TMEM132D: variants seen among roughly 807,000 people sequenced by gnomAD.
TMEM132D encodes the protein transmembrane protein 132D.
A neutral mutation model predicts 62.3 loss-of-function variants in TMEM132D; 21 were observed. That is an observed-to-expected ratio of 0.34 (90% CI 0.24 to 0.49). TMEM132D has a LOEUF of 0.49. TMEM132D is among the 20% of genes least tolerant of loss of function. The pLI is 0.99. For missense variants in TMEM132D, 1,346 were observed against 1,402.8 expected, an observed-to-expected ratio of 0.96 and a Z score of 0.65; for synonymous variants, 621 against 575.6, an observed-to-expected ratio of 1.08 and a Z score of -1.13.
chr12:129,502,327 T>C (rs1234361622), intron 3 of TMEM132D, among the ~76,000 whole-genome samples: 1 of 152,188 alleles, frequency 6.6e-6, no homozygotes, highest in Non-Finnish European at 1.5e-5. Flanking sequence ...CCAAGTTCGC[T>C]ACCATTGCTA....
Position 129,408,548 on chromosome 12 carries a change from G to T in TMEM132D, c.1116-70731C>A, listed in dbSNP as rs1268743086. ...GCTTTTTTTCTACTGTTTTCAAAAA[G>T]TTTTTCTTGAGGTTATTCTTTGGTA... On this transcript the variant is annotated intron_variant, in intron 3 of 8. Transcript: ENST00000422113. 3.2e-4 allele frequency among the ~76,000 whole-genome samples: 48 copies of T among 150,244 alleles called. 1 individual carries two copies. Among genetic ancestry groups the T allele is most frequent in the Admixed American group, 3.2e-3 (48 of 15,076 alleles).
At chr12:129,548,725 G>A (rs1431188772) in intron 2 of TMEM132D, among the ~76,000 whole-genome samples, 1 of 151,994 alleles carries the variant, frequency 6.6e-6, no homozygotes, top group East Asian at 1.9e-4. Context: ...GGGGGGTGAG[G>A]AAGTCAATCC....
chr12:129,654,952 T>A (rs916878505), intron 2 of TMEM132D, among the ~76,000 whole-genome samples: 2 of 152,172 alleles, frequency 1.3e-5, no homozygotes, highest in Non-Finnish European at 2.9e-5. Context: ...CCTTTTCTTT[T>A]TTTTTTCCTT....
intron 2 of TMEM132D, among the ~76,000 whole-genome samples, chr12:129,656,922 C>T (rs1242604990): frequency 1.3e-5 from 2 of 152,166 alleles, no homozygotes; most frequent in Admixed American, 1.3e-4. Context: ...CTCCTAACCA[C>T]CACAATACAC....
intron 5 of TMEM132D, among the ~76,000 whole-genome samples, chr12:129,159,853 G>T (rs1300316129): frequency 1.3e-5 from 2 of 151,916 alleles, no homozygotes; most frequent in Non-Finnish European, 2.9e-5. Flanking sequence ...GAGGGAGGCT[G>T]CCTCCTCCAC....
chr12:129,873,141 G>A (rs1010877127), intron 1 of TMEM132D, among the ~76,000 whole-genome samples: 4 of 152,086 alleles, frequency 2.6e-5, no homozygotes, highest in African/African-American at 4.8e-5. Flanking sequence ...TATTGCAGAG[G>A]GGACACCGTT....
intron 4 of TMEM132D, among the ~76,000 whole-genome samples, chr12:129,245,190 AAAATTTGTGTT>A (rs1880062162): frequency 6.6e-6 from 1 of 152,180 alleles, no homozygotes; most frequent in Admixed American, 6.5e-5. Context: ...CACTGCCGTA[AAAATTTGTGTT>A]CCACCTATCC....
At chr12:129,446,009 C>T (rs1370021351) in intron 3 of TMEM132D, among the ~76,000 whole-genome samples, 1 of 152,098 alleles carries the variant, frequency 6.6e-6, no homozygotes, top group East Asian at 1.9e-4. Flanking sequence ...GGGGCTGGGA[C>T]TTTATACAGC....
At chr12:129,852,554 A>T (rs571478013) in intron 1 of TMEM132D, 1 of 152,234 alleles carries the variant, frequency 6.6e-6, no homozygotes, top group African/African-American at 2.4e-5. Context: ...AAAATAAAAA[A>T]ATAAAAAATA....
At chr12:129,114,585 A>T (rs143535064) in intron 5 of TMEM132D, among the ~76,000 whole-genome samples, 1 of 152,194 alleles carries the variant, frequency 6.6e-6, no homozygotes, top group Non-Finnish European at 1.5e-5. Flanking sequence ...ATGACATTTC[A>T]TGAAGCAAAC....
chr12:129,505,914 C>T (rs937987738), intron 3 of TMEM132D, among the ~76,000 whole-genome samples: 1 of 152,034 alleles, frequency 6.6e-6, no homozygotes, highest in Non-Finnish European at 1.5e-5. Flanking sequence ...TATGTGAGTC[C>T]TTATGTGTTA....
intron 5 of TMEM132D, among the ~76,000 whole-genome samples, chr12:129,199,885 C>A (rs1216368042): frequency 2.0e-5 from 3 of 152,130 alleles, no homozygotes; most frequent in African/African-American, 7.2e-5. Context: ...ATTATGGGAG[C>A]AACAATTCAA....
rs1055441813 is a variant in TMEM132D at position 129,577,283 on chromosome 12, C to A, written c.969-46078G>T. On this transcript the variant is annotated intron_variant, in intron 2 of 8. Coordinates refer to ENST00000422113, the MANE Select transcript of TMEM132D (RefSeq NM_133448.3). Reference sequence around the variant, plus strand: ...TTGCCAAAACAGCAGCAGGAGGCACCCACAAAATTACTACAGTAGTGCAGT... The same window carrying A: ...TTGCCAAAACAGCAGCAGGAGGCACACACAAAATTACTACAGTAGTGCAGT... Among the ~76,000 whole-genome samples the A allele has an allele frequency of 2.6e-5, 4 of 151,636 alleles. 1 individual carries two copies. Among genetic ancestry groups the A allele is most frequent in the African/African-American group, 9.7e-5 (4 of 41,066 alleles).
At chr12:129,664,421 A>ATT (rs34308998) in intron 2 of TMEM132D, among the ~76,000 whole-genome samples, 2,180 of 114,220 alleles carry the variant, frequency 0.019, 68 homozygotes, top group African/African-American at 0.039. Flanking sequence ...AATTACAAGA[A>ATT]TTTTTTTTTT....
chr12:129,503,230 G>T (rs1038367969), intron 3 of TMEM132D, among the ~76,000 whole-genome samples: 1 of 152,086 alleles, frequency 6.6e-6, no homozygotes, highest in Non-Finnish European at 1.5e-5. Flanking sequence ...CTATTTTCTT[G>T]GCACCTTTAA....
At chr12:129,530,936 T>C (rs1205439391) in intron 3 of TMEM132D, 123 bp downstream of exon 3, 4 of 1,055,206 alleles carry the variant, frequency 3.8e-6, no homozygotes, top group African/African-American at 3.4e-5. Flanking sequence ...CCTGATAGAA[T>C]AGACGACACA....
At chr12:129,228,654 T>A (rs1183148339) in intron 4 of TMEM132D, among the ~76,000 whole-genome samples, 1 of 152,208 alleles carries the variant, frequency 6.6e-6, no homozygotes, top group African/African-American at 2.4e-5. Flanking sequence ...CGTACTGTGA[T>A]GCCATCATGG....
chr12:129,077,916 GACACACA>G (rs1372762465), intron 8 of TMEM132D, among the ~76,000 whole-genome samples: 1 of 151,876 alleles, frequency 6.6e-6, no homozygotes, highest in African/African-American at 2.4e-5. Context: ...ACAACACATA[GACACACA>G]ACACACATAT....
chr12:129,509,578 T>C (rs1209127104), intron 3 of TMEM132D, among the ~76,000 whole-genome samples: 2 of 152,176 alleles, frequency 1.3e-5, no homozygotes, highest in African/African-American at 2.4e-5. Flanking sequence ...ATTCATTCTT[T>C]CTATTTTTTG....
Sources: allele counts gnomAD v4.1 joint callset (sites outside exome capture counted in the v4.1 genomes callset), GRCh38; gene constraint gnomAD v4.1.1; transcripts MANE v1.5; gene names NCBI Gene and HGNC (gene_info 2026-07-23, HGNC 2026-07-21).